QTMAN: variants seen among roughly 807,000 people sequenced by gnomAD.
QTMAN encodes queuosine-tRNA mannosyltransferase, also known as tRNA-queuosine alpha-mannosyltransferase.
At chr2:144,262,137 G>A in the QTMAN span, among the ~76,000 whole-genome samples, 5 of 152,140 alleles carry the variant, frequency 3.3e-5, no homozygotes, top group African/African-American at 1.2e-4. Flanking sequence ...TCAAAAAAAT[G>A]AGCCATGAAC....
At chr2:144,211,277 G>C in the QTMAN span, 1 of 152,616 alleles carries the variant, frequency 6.6e-6, no homozygotes, top group Non-Finnish European at 1.5e-5. Context: ...TATAGCTATA[G>C]TAGATTTCCA....
At chr2:144,126,715 A>T in the QTMAN span, among the ~76,000 whole-genome samples, 18 of 151,880 alleles carry the variant, frequency 1.2e-4, no homozygotes, top group East Asian at 1.9e-4. Context: ...GTTTCCAAGA[A>T]CCTACTGATA....
chr2:143,942,776 C>G, the QTMAN span: 1 of 167,030 alleles, frequency 6.0e-6, no homozygotes, highest in African/African-American at 2.4e-5. Context: ...AGAGGAAAGT[C>G]TTCTCAAGCA....
chr2:144,235,870 T>G, the QTMAN span: 3 of 152,392 alleles, frequency 2.0e-5, no homozygotes, highest in Non-Finnish European at 4.4e-5. Context: ...GAGAAGAACG[T>G]GCAAGAACAG....
chr2:144,240,415 A>C, the QTMAN span, among the ~76,000 whole-genome samples: 1 of 152,206 alleles, frequency 6.6e-6, no homozygotes, highest in African/African-American at 2.4e-5. Context: ...TTAATCTACG[A>C]CATTTTTACT....
chr2:143,981,465 A>C, the QTMAN span, among the ~76,000 whole-genome samples: 1 of 152,238 alleles, frequency 6.6e-6, no homozygotes, highest in Non-Finnish European at 1.5e-5. Context: ...ATGTCTAGAA[A>C]TGACAAGGTC....
chr2:144,092,870 G>GGTGTGTCT, the QTMAN span, among the ~76,000 whole-genome samples: 1 of 140,644 alleles, frequency 7.1e-6, no homozygotes, highest in African/African-American at 2.6e-5. Context: ...AAACTTTTGG[G>GGTGTGTCT]GTGTGTGTGT....
At chr2:144,105,207 T>A in the QTMAN span, among the ~76,000 whole-genome samples, 1 of 151,886 alleles carries the variant, frequency 6.6e-6, no homozygotes, top group Admixed American at 6.6e-5. Context: ...CCTCTCCCCC[T>A]CCAAAGGAAC....
the QTMAN span, among the ~76,000 whole-genome samples, chr2:143,982,836 T>C: frequency 7.5e-6 from 1 of 132,562 alleles, no homozygotes; most frequent in Non-Finnish European, 1.5e-5. Context: ...CCTGTGGGGC[T>C]GAGCAAGACT....
At chr2:144,037,541 A>G in the QTMAN span, among the ~76,000 whole-genome samples, 2 of 152,216 alleles carry the variant, frequency 1.3e-5, no homozygotes, top group African/African-American at 4.8e-5. Context: ...GAGATGCTGA[A>G]GGGCATGGGG....
At chr2:144,043,540 A>G in the QTMAN span, among the ~76,000 whole-genome samples, 1 of 151,842 alleles carries the variant, frequency 6.6e-6, no homozygotes, top group African/African-American at 2.4e-5. Flanking sequence ...AGGCTGAGGC[A>G]GAGAATTCCT....
chr2:144,175,431 G>A, the QTMAN span, among the ~76,000 whole-genome samples: 4 of 152,018 alleles, frequency 2.6e-5, no homozygotes, highest in Non-Finnish European at 5.9e-5. Context: ...AGGAAGTAGA[G>A]AATCTAAAAC....
At chr2:144,300,031 C>T in the QTMAN span, among the ~76,000 whole-genome samples, 6 of 152,170 alleles carry the variant, frequency 3.9e-5, no homozygotes, top group South Asian at 2.1e-4. Flanking sequence ...TGGCAAATGC[C>T]GTATGATTCA....
chr2:143,944,976 A>T, the QTMAN span: 2 of 148,716 alleles, frequency 1.3e-5, no homozygotes, highest in Non-Finnish European at 3.0e-5. Flanking sequence ...TTGTGTGTGG[A>T]GTATCTTAGC....
the QTMAN span, among the ~76,000 whole-genome samples, chr2:144,133,425 TATA>T: frequency 3.8e-4 from 17 of 44,552 alleles, no homozygotes; most frequent in African/African-American, 2.3e-3. Flanking sequence ...ATATAATATA[TATA>T]ATATATAATA....
At chr2:144,005,553 C>T in the QTMAN span, among the ~76,000 whole-genome samples, 2 of 152,068 alleles carry the variant, frequency 1.3e-5, no homozygotes, top group African/African-American at 4.8e-5. Context: ...CTATATTACC[C>T]GTAAGGATGA....
chr2:144,041,063 G>A, the QTMAN span, among the ~76,000 whole-genome samples: 3 of 152,148 alleles, frequency 2.0e-5, no homozygotes, highest in East Asian at 5.8e-4. Context: ...TGTCTTTAAG[G>A]AAAATTTACT....
the QTMAN span, among the ~76,000 whole-genome samples, chr2:143,974,194 T>C: frequency 2.0e-5 from 3 of 152,242 alleles, no homozygotes; most frequent in African/African-American, 7.2e-5. Flanking sequence ...CAACCATATT[T>C]GCAGATTTAT....
At chr2:143,959,490 G>A in the QTMAN span, among the ~76,000 whole-genome samples, 1 of 152,036 alleles carries the variant, frequency 6.6e-6, no homozygotes, top group Admixed American at 6.6e-5. Context: ...ATCTGATCCT[G>A]GAGGAATGTC....
Sources: gnomAD v4.1 joint callset for allele counts (sites outside exome capture counted in the v4.1 genomes callset) on GRCh38, gnomAD v4.1.1 for gene constraint, MANE v1.5 for transcripts, NCBI Gene and HGNC (gene_info 2026-07-23, HGNC 2026-07-21) for gene names.